The following SAE1 variants were observed in gnomAD, a reference collection of about 807,000 sequenced individuals.
SAE1 encodes the protein SUMO1 activating enzyme subunit 1.
A neutral mutation model predicts 40.6 loss-of-function variants in SAE1; 11 were observed. The observed-to-expected ratio is 0.27, with a 90% CI of 0.17 to 0.45. The LOEUF is 0.45. SAE1 is among the 20% of genes least tolerant of loss of function. The pLI is 1.00. For synonymous variants in SAE1, 155 were observed against 154.3 expected, an observed-to-expected ratio of 1.00 and a Z score of -0.03; for missense variants, 373 against 427.3, an observed-to-expected ratio of 0.87 and a Z score of 1.12.
intron 5 of SAE1, among the ~76,000 whole-genome samples, chr19:47,169,278 CCTT>C: frequency 6.6e-6 from 1 of 152,146 alleles, no homozygotes; most frequent in South Asian, 2.1e-4. Flanking sequence ...GAGTCTTACT[CCTT>C]CATCCAGAGG....
At position 47,208,311 on chromosome 19, in the gene SAE1, G is replaced by A. The variant is rs764608284; in HGVS notation, c.949-848G>A. On this transcript the variant is annotated intron_variant, in intron 8 of 8. Transcript: ENST00000270225. ...GTCTCACTCTGTTCCCCAGGCTGGA[G>A]TATAGTGGCACTATTACAGCTCACT... is the stretch of plus-strand genomic sequence containing the variant. 1.9e-4 allele frequency among the ~76,000 whole-genome samples: 29 copies of A among 152,242 alleles called. No individual in the cohort carries two copies. The East Asian group carries it at 4.4e-3, about 23-fold the overall frequency.
intron 7 of SAE1, among the ~76,000 whole-genome samples, chr19:47,201,729 G>A (rs1043383103): frequency 1.3e-5 from 2 of 151,904 alleles, no homozygotes; most frequent in Non-Finnish European, 2.9e-5. Flanking sequence ...CACCTCCTGG[G>A]TTCATGCAAT....
chr19:47,190,643 C>T (rs1214297019), intron 6 of SAE1, among the ~76,000 whole-genome samples: 3 of 152,186 alleles, frequency 2.0e-5, no homozygotes, highest in Non-Finnish European at 2.9e-5. Context: ...GCCAGCCTGC[C>T]GGCCCTCGTC....
At chr19:47,203,151 G>A (rs1177666074) in intron 7 of SAE1, among the ~76,000 whole-genome samples, 3 of 152,102 alleles carry the variant, frequency 2.0e-5, no homozygotes, top group Admixed American at 6.6e-5. Context: ...TCCTCTAGAT[G>A]CCCCATCCTG....
chr19:47,137,485 A>G (rs1489380773), intron 1 of SAE1, among the ~76,000 whole-genome samples: 1 of 152,184 alleles, frequency 6.6e-6, no homozygotes, highest in Admixed American at 6.6e-5. Context: ...GTTTTTATTG[A>G]TAGTTGACAA....
At chr19:47,168,442 C>T (rs1010268352) in intron 5 of SAE1, among the ~76,000 whole-genome samples, 2 of 151,762 alleles carry the variant, frequency 1.3e-5, no homozygotes, top group East Asian at 1.9e-4. Flanking sequence ...AAGCTGGTAC[C>T]ACAGGTGCAT....
chr19:47,174,064 G>GTCA (rs1037384354), intron 6 of SAE1, among the ~76,000 whole-genome samples: 27 of 152,090 alleles, frequency 1.8e-4, no homozygotes, highest in Admixed American at 1.6e-3. Context: ...GATTACAGAC[G>GTCA]TGAGCCACTT....
rs148108304 is a variant in SAE1 at position 47,166,107 on chromosome 19, T to C, written c.628-3711T>C. ...ACCCCAAGCTTCTCAGGACTTTTTG[T>C]GGGCTGCTTCCCTGTTCTGCCTGTG... On this transcript the variant is annotated intron_variant, in intron 5 of 8. Transcript: ENST00000270225. Among the ~76,000 whole-genome samples, 18 of 152,290 alleles carry C rather than the reference T, an allele frequency of 1.2e-4. No individual in the cohort carries two copies. In the East Asian group the frequency reaches 3.5e-3, roughly 29 times the overall value.
At chr19:47,148,126 C>T (rs2058265833) in intron 2 of SAE1, among the ~76,000 whole-genome samples, 1 of 152,040 alleles carries the variant, frequency 6.6e-6, no homozygotes, top group Non-Finnish European at 1.5e-5. Context: ...CTGAGGTTCA[C>T]ACAGTTGTTG....
rs376184177 is a variant in SAE1, at chr19:47,209,041, T to C, written c.949-118T>C. The C allele has an allele frequency of 3.4e-6, 3 of 880,292 alleles. No homozygotes were observed. In the African/African-American group the frequency reaches 5.0e-5, roughly 15 times the overall value. 54.5% of individuals were successfully genotyped at this position (880,292 alleles called of 1,614,324 possible). The stretch of plus-strand genomic sequence containing the variant: ...CTCCAGACATTGCCAAATAGCCCTT[T>C]GGGAGCAAAATCGACCCCAGTTAAG... On this transcript the variant is annotated intron_variant, in intron 8 of 8. Transcript: ENST00000270225.
intron 6 of SAE1, among the ~76,000 whole-genome samples, chr19:47,183,040 C>G (rs192807): frequency 6.6e-6 from 1 of 152,008 alleles, no homozygotes; most frequent in Admixed American, 6.6e-5. Context: ...CTCTGCCTCC[C>G]GAGTAGCTGG....
chr19:47,207,572 T>C (rs1172235969), intron 8 of SAE1, among the ~76,000 whole-genome samples: 1 of 152,200 alleles, frequency 6.6e-6, no homozygotes, highest in South Asian at 2.1e-4. Context: ...AAGATGTATG[T>C]GCATACAAGA....
chr19:47,172,108 G>T (rs567011815), intron 6 of SAE1, among the ~76,000 whole-genome samples: 1 of 147,192 alleles, frequency 6.8e-6, no homozygotes, highest in East Asian at 2.1e-4. Flanking sequence ...TAGTAGAAAC[G>T]GGGTTTCACC....
chr19:47,141,540 G>A (rs1458012110), intron 1 of SAE1, among the ~76,000 whole-genome samples: 2 of 152,092 alleles, frequency 1.3e-5, no homozygotes, highest in East Asian at 3.8e-4. Context: ...TTTATATGTA[G>A]CTGTTGCTGG....
At chr19:47,170,559 T>C (rs2058424693) in intron 6 of SAE1, among the ~76,000 whole-genome samples, 1 of 134,462 alleles carries the variant, frequency 7.4e-6, no homozygotes, top group Admixed American at 8.4e-5. Flanking sequence ...CAGGCTGGAA[T>C]GCAGTAGCGC....
At position 47,209,605 on chromosome 19, in the gene SAE1, C is replaced by A; in HGVS notation, c.*354C>A. 3.0e-6 allele frequency: 1 copy of A among 329,750 alleles called. No homozygotes were observed. Among genetic ancestry groups the A allele is most frequent in the Non-Finnish European group, 5.5e-6 (1 of 180,272 alleles). The allele number at this position is 329,750 out of a possible 1,614,324, so 20.4% of individuals were successfully genotyped here. A position where few individuals can be genotyped will look rare whatever the true frequency, so the allele number is the denominator to read the frequency against. ...TCTGGGGCATTGTGGGAGATGCCTG[C>A]CAGGAATGAGCAAGCTCTGTTGCTC... On this transcript the variant is annotated 3_prime_UTR_variant, in exon 9 of 9. Transcript: ENST00000270225.
At chr19:47,182,496 T>TGTGCGCGCGCGC (rs143321323) in intron 6 of SAE1, among the ~76,000 whole-genome samples, 2 of 145,938 alleles carry the variant, frequency 1.4e-5, no homozygotes, top group Admixed American at 1.4e-4. Flanking sequence ...TGTGTGTGTG[T>TGTGCGCGCGCGC]GCGCGCACGC....
At chr19:47,144,524 C>G (rs2058242774) in intron 2 of SAE1, among the ~76,000 whole-genome samples, 1 of 151,612 alleles carries the variant, frequency 6.6e-6, no homozygotes, top group Non-Finnish European at 1.5e-5. Context: ...ACGGTGAAAC[C>G]CCATCACTAC....
intron 2 of SAE1, among the ~76,000 whole-genome samples, chr19:47,146,906 G>T (rs771226832): frequency 6.6e-6 from 1 of 152,274 alleles, no homozygotes; most frequent in African/African-American, 2.4e-5. Flanking sequence ...GAGAGAAAAC[G>T]GCTGGTGGGC....
Sources: gnomAD v4.1 joint callset for allele counts (sites outside exome capture counted in the v4.1 genomes callset) on GRCh38, gnomAD v4.1.1 for gene constraint, MANE v1.5 for transcripts, NCBI Gene and HGNC (gene_info 2026-07-23, HGNC 2026-07-21) for gene names.